The following FUS variants were observed in gnomAD, a reference collection of about 807,000 sequenced individuals.
FUS encodes the protein FUS RNA binding protein.
In FUS, 5 loss-of-function variants were observed where a neutral mutation model predicts 82.7. That is an observed-to-expected ratio of 0.06 (90% CI 0.03 to 0.13). The LOEUF is 0.13. FUS is among the 10% of genes least tolerant of loss of function. The pLI is 1.00. For missense variants in FUS, 512 were observed against 707.8 expected (o/e 0.72, Z 3.14); for synonymous variants, 281 against 247.4 (o/e 1.14, Z -1.27).
At chr16:31,191,942 C>T (rs556085995), downstream of FUS, 5 of 533,924 alleles carry the variant, frequency 9.4e-6, no homozygotes, top group African/African-American at 9.3e-5. Flanking sequence ...TCTTTTGGCC[C>T]TTTTAATGGT....
intron 5 of FUS, 105 bp downstream of exon 5, chr16:31,184,501 T>A: frequency 8.7e-7 from 1 of 1,145,532 alleles, no homozygotes. Flanking sequence ...TGGAGTGCAG[T>A]GGCACAATCT....
chr16:31,191,888 T>C (rs1388571435), downstream of FUS: 3 of 539,774 alleles, frequency 5.6e-6, no homozygotes, highest in African/African-American at 1.8e-5. Flanking sequence ...CATACTGGTC[T>C]TAGTTTATTT....
chr16:31,186,847 A>C lies in FUS; in HGVS notation c.799+11A>C, dbSNP rs1359532494. 3.7e-6 allele frequency: 6 copies of C among 1,612,522 alleles called. No individual in the cohort carries two copies. The highest frequency in any genetic ancestry group is 4.2e-6 in the Non-Finnish European group (5 of 1,178,588). ...TCAATAAATTTGGTGGTAAGTGAAC[A>C]GAGTTTCCAAAATTCCCAACTCCCA... On this transcript the variant is annotated intron_variant, in intron 7 of 14. Coordinates refer to ENST00000254108, the MANE Select transcript of FUS (RefSeq NM_004960.4).
intron 14 of FUS, 46 bp from the exon 15 acceptor site, chr16:31,191,353 T>C (rs74558144): frequency 3.1e-6 from 5 of 1,601,818 alleles, no homozygotes; most frequent in African/African-American, 1.3e-5. Context: ...GAGAGGCTGG[T>C]AACTCAAATA....
intron 7 of FUS, 64 bp downstream of exon 7, chr16:31,186,900 C>T: frequency 4.9e-6 from 7 of 1,443,112 alleles, no homozygotes; most frequent in East Asian, 2.3e-5. Context: ...TGTTCATTTG[C>T]AGATGTCTTA....
intron 6 of FUS, chr16:31,185,439 C>T (rs1262837156): frequency 3.0e-6 from 2 of 661,870 alleles, no homozygotes; most frequent in Non-Finnish European, 5.5e-6. Context: ...AGAAACCATA[C>T]ATAGATACGT....
chr16:31,186,186 T>C (rs1227040104), intron 6 of FUS: 3 of 243,624 alleles, frequency 1.2e-5, no homozygotes, highest in South Asian at 1.4e-4. Context: ...GCCACAGGTA[T>C]GAAAGGTGAC....
At position 31,188,506 on chromosome 16, in the gene FUS, A is replaced by C. The variant is rs72550894; in HGVS notation, c.832+149A>C. On this transcript the variant is annotated intron_variant, in intron 8 of 14. Coordinates refer to ENST00000254108, the MANE Select transcript of FUS (RefSeq NM_004960.4). ...GGTGTGTCCTTAGTTAGCAGTGAGA[A>C]GTATTTGTTACGAAGTATTTCTCAG... The C allele has an allele frequency of 3.1e-4, 265 of 844,628 alleles. 1 individual carries two copies. In the East Asian group the frequency reaches 6.4e-3, roughly 20 times the overall value. 52.3% of individuals were successfully genotyped at this position (844,628 alleles called of 1,614,324 possible). A position where few individuals can be genotyped will look rare whatever the true frequency, so the allele number is the denominator to read the frequency against.
In FUS at chr16:31,191,376, AATTT is replaced by A; in HGVS notation, c.1542-22_1542-19del. ...GGTAACTCAAATATAATGGATACTT[AATTT>A]TTTTTTTTTTTTTTGCAGGGGTGAG... On this transcript the variant is annotated intron_variant, in intron 14 of 14. Coordinates refer to ENST00000254108, the MANE Select transcript of FUS (RefSeq NM_004960.4). 6.4e-7 allele frequency: 1 copy of A among 1,555,404 alleles called. No homozygotes were observed. The highest frequency in any genetic ancestry group is 8.9e-7 in the Non-Finnish European group (1 of 1,128,126).
downstream of FUS, chr16:31,192,189 G>T (rs938598607): frequency 1.3e-5 from 7 of 527,918 alleles, no homozygotes; most frequent in African/African-American, 1.3e-4. Context: ...TTCACATCCT[G>T]CCTGTACTCA....
At chr16:31,188,073 C>T in intron 7 of FUS, 1 of 566,368 alleles carries the variant, frequency 1.8e-6, no homozygotes, top group South Asian at 2.1e-5. Context: ...GGGGAGGCAG[C>T]ATTTGCTGAA....
At chr16:31,187,704 C>T in intron 7 of FUS, 2 of 234,248 alleles carry the variant, frequency 8.5e-6, no homozygotes, top group Non-Finnish European at 1.7e-5. Context: ...CAAAGATGGT[C>T]TCTGGAAAAA....
chr16:31,194,705 C>T (rs570715281), downstream of FUS: 2 of 486,244 alleles, frequency 4.1e-6, no homozygotes, highest in South Asian at 1.5e-5. Context: ...CTAATATATC[C>T]ATCACTTCAT....
intron 12 of FUS, 35 bp from the exon 13 acceptor site, chr16:31,190,707 A>T: frequency 1.3e-6 from 2 of 1,583,736 alleles, no homozygotes. Flanking sequence ...CCTATTCCCC[A>T]TCGCTCCAGA....
chr16:31,182,647 A>G lies in FUS; in HGVS notation c.173A>G (p.Tyr58Cys). ...SGYGQSSYSS[Y>C]GQSQNTGYGT... Reference sequence around the variant, plus strand: ...TATGGCCAGAGCAGCTATTCTTCTTATGGCCAGAGCCAGAACAGTGAGTCT... The same window carrying G: ...TATGGCCAGAGCAGCTATTCTTCTTGTGGCCAGAGCCAGAACAGTGAGTCT... Residue 58 changes from tyrosine to cysteine, a missense_variant, in exon 3 of 15, where the codon TAT (tyrosine) becomes TGT (cysteine). Physicochemically the swap from Tyr to Cys is radical, Grantham distance 194. This residue lies in a region of FUS where 276 missense variants were observed against 303.3 expected (regional missense o/e 0.91). Transcript: ENST00000254108. 1 of 1,614,196 alleles carries G rather than the reference A, an allele frequency of 6.2e-7. No individual in the cohort carries two copies. The highest frequency in any genetic ancestry group is 1.1e-5 in the South Asian group (1 of 91,086).
At chr16:31,184,841 C>T (rs1209745987) in intron 5 of FUS, 98 bp from the exon 6 acceptor site, 3 of 1,229,542 alleles carry the variant, frequency 2.4e-6, no homozygotes, top group African/African-American at 1.5e-5. Flanking sequence ...TTCTTTTGTC[C>T]TTCATTGCCT....
intron 1 of FUS, among the ~76,000 whole-genome samples, chr16:31,180,836 C>T (rs965245501): frequency 1.3e-5 from 2 of 152,130 alleles, no homozygotes; most frequent in African/African-American, 4.8e-5. Context: ...CGCCCTCTAG[C>T]TTAACGGTTT....
At chr16:31,188,304 T>C in intron 7 of FUS, 21 bp from the exon 8 acceptor site, 1 of 1,610,358 alleles carries the variant, frequency 6.2e-7, no homozygotes, top group Non-Finnish European at 8.5e-7. Flanking sequence ...TTTTTTGTTC[T>C]TTTTTTCCAT....
chr16:31,186,099 T>G (rs1403484099), intron 6 of FUS: 1 of 237,842 alleles, frequency 4.2e-6, no homozygotes, highest in African/African-American at 2.2e-5. Flanking sequence ...TGAGGAAATG[T>G]GTGCGTGTGT....
Sources: gnomAD v4.1 joint callset for allele counts (sites outside exome capture counted in the v4.1 genomes callset) on GRCh38, gnomAD v4.1.1 for gene constraint, gnomAD v4.1.1 regional missense constraint, MANE v1.5 for transcripts, NCBI Gene and HGNC (gene_info 2026-07-23, HGNC 2026-07-21) for gene names.